Variants in ADAMTSL2 observed in about 807,000 individuals in gnomAD.
ADAMTSL2 encodes ADAMTS like 2, also known as ADAMTS-like protein 2.
In ADAMTSL2, 55 loss-of-function variants were observed where a neutral mutation model predicts 117.0. The ratio of observed to expected loss-of-function variants is 0.47; its 90% confidence interval spans 0.38 to 0.59. The LOEUF is 0.59. Ranked by LOEUF, ADAMTSL2 falls within the 20% of genes least tolerant of loss-of-function variation. The pLI is 0.00. For synonymous variants in ADAMTSL2, 572 were observed against 566.4 expected (o/e 1.01, Z -0.14); for missense variants, 1,182 against 1,354.5 (o/e 0.87, Z 2.00).
At chr9:133,537,313 G>A (rs1239031542) in intron 2 of ADAMTSL2, 92 bp from the exon 3 acceptor site, 10 of 1,279,694 alleles carry the variant, frequency 7.8e-6, no homozygotes, top group South Asian at 5.9e-5. Context: ...TTCTGGTCCC[G>A]CTGACGGTGA....
At chr9:133,556,259 A>T (rs1830603058) in intron 11 of ADAMTSL2, among the ~76,000 whole-genome samples, 2 of 152,250 alleles carry the variant, frequency 1.3e-5, no homozygotes, top group South Asian at 4.1e-4. Context: ...AGCCAGGGAC[A>T]GAGCTCAGCA....
Position 133,536,322 on chromosome 9 carries a change from C to G in ADAMTSL2, c.-150-241C>G, listed in dbSNP as rs79091755. 0.019 allele frequency among the ~76,000 whole-genome samples: 2,943 copies of G among 152,338 alleles called. 91 individuals carry two copies. The highest frequency in any genetic ancestry group is 0.066 in the African/African-American group (2,735 of 41,564). ...CCCTTCGAACCAGAGCCTTTCCCCC[C>G]GCCTGGGTCCCCAGCCCCCTCAGCC... is the stretch of plus-strand genomic sequence containing the variant. On this transcript the variant is annotated intron_variant, in intron 1 of 18. Transcript: ENST00000651351.
At chr9:133,559,658 C>T (rs1251536900) in intron 11 of ADAMTSL2, among the ~76,000 whole-genome samples, 1 of 152,010 alleles carries the variant, frequency 6.6e-6, no homozygotes, top group Non-Finnish European at 1.5e-5. Flanking sequence ...GGCCCCCACC[C>T]CCATTTTTAA....
chr9:133,554,465 G>A lies in ADAMTSL2; in HGVS notation c.1048G>A (p.Ala350Thr), dbSNP rs974026101. 74 of 1,555,534 alleles carry A rather than the reference G, an allele frequency of 4.8e-5. No individual in the cohort carries two copies. Among genetic ancestry groups the A allele is most frequent in the Middle Eastern group, 3.3e-4 (2 of 6,008 alleles). The change falls in exon 10 of 19, where the codon GCT becomes ACT. Residue 350 changes from alanine (A) to threonine (T), a missense_variant. Coordinates refer to ENST00000651351, the MANE Select transcript of ADAMTSL2 (RefSeq NM_014694.4). This position sits in a 1 kb window ranked among gnomAD's most constrained non-coding sequence, Gnocchi z 5.2. Reference sequence around the variant, plus strand: ...CATCTACTATGGCTTCTCCGAGAGCGCTGAGAGCCAGGGCCTGGACGGGGC... The same window carrying A: ...CATCTACTATGGCTTCTCCGAGAGCACTGAGAGCCAGGGCCTGGACGGGGC... Reference protein sequence around the residue: ...QPIYYGFSESAESQGLDGAGL... With the variant: ...QPIYYGFSESTESQGLDGAGL...
chr9:133,544,172 ACT>A (rs1830293050), intron 7 of ADAMTSL2, among the ~76,000 whole-genome samples: 1 of 151,938 alleles, frequency 6.6e-6, no homozygotes, highest in South Asian at 2.1e-4. Context: ...GCCGGACTGA[ACT>A]CCCAGTGTGC....
intron 3 of ADAMTSL2, among the ~76,000 whole-genome samples, chr9:133,537,884 C>T (rs576260497): frequency 6.6e-6 from 1 of 152,302 alleles, no homozygotes; most frequent in South Asian, 2.1e-4. Context: ...GCCAGGGAGC[C>T]CCGGGAGAAG....
In ADAMTSL2 at chr9:133,557,540, A is replaced by G. The variant is rs1404145843; in HGVS notation, c.1649+1610A>G. ...GCTTTGGGTATAGTGTCTGAGTCTG[A>G]GAGGGGGTCCTGGGTAAAGGGCAGG... On this transcript the variant is annotated intron_variant, in intron 11 of 18. Coordinates refer to ENST00000651351, the MANE Select transcript of ADAMTSL2 (RefSeq NM_014694.4). The surrounding 1 kb of genome is among the most constrained non-coding windows in gnomAD (Gnocchi z 5.2). Among the ~76,000 whole-genome samples the G allele has an allele frequency of 6.6e-6, 1 of 152,012 alleles. No homozygotes were observed. Among genetic ancestry groups the G allele is most frequent in the Non-Finnish European group, 1.5e-5 (1 of 68,002 alleles).
At chr9:133,546,125 C>T (rs551556224) in intron 8 of ADAMTSL2, among the ~76,000 whole-genome samples, 27 of 152,214 alleles carry the variant, frequency 1.8e-4, no homozygotes, top group African/African-American at 4.8e-4. Context: ...CTCCTCCCTG[C>T]GTCCCCAGCC....
intron 15 of ADAMTSL2, 105 bp from the exon 16 acceptor site, chr9:133,569,303 G>GAATAGAAAATGTTATTTAAAAAGTGGTT: frequency 8.2e-7 from 1 of 1,218,636 alleles, no homozygotes; most frequent in Non-Finnish European, 1.2e-6. Flanking sequence ...CAACCGCTTC[G>GAATAGAAAATGTTATTTAAAAAGTGGTT]ACACTGCCTG....
At chr9:133,548,110 G>C (rs568879851) in intron 9 of ADAMTSL2, among the ~76,000 whole-genome samples, 17 of 152,394 alleles carry the variant, frequency 1.1e-4, no homozygotes, top group Non-Finnish European at 1.8e-4. Flanking sequence ...TTGGTTTCCA[G>C]ATCTCCCTGT....
intron 17 of ADAMTSL2, among the ~76,000 whole-genome samples, chr9:133,572,703 T>G (rs1301825835): frequency 6.6e-6 from 1 of 152,088 alleles, no homozygotes; most frequent in African/African-American, 2.4e-5. Context: ...CTAGCCCTGA[T>G]GAGGAGGTGG....
At position 133,564,507 on chromosome 9, in the gene ADAMTSL2, AGAGAGG is replaced by A. The variant is rs377325747; in HGVS notation, c.1748-2417_1748-2412del. Among the ~76,000 whole-genome samples the A allele has an allele frequency of 4.0e-4, 21 of 52,780 alleles. 5 individuals carry two copies. Among genetic ancestry groups the A allele is most frequent in the Admixed American group, 1.1e-3 (5 of 4,624 alleles). The allele number at this position is 52,780 out of a possible 152,430, so 34.6% of individuals were successfully genotyped here. ...GAGAGAGGGAGACAGAGAGGGAGAG[AGAGAGG>A]GAGAGGGAGAGAGAGAGAGACAGAG... On this transcript the variant is annotated intron_variant, in intron 12 of 18. Transcript: ENST00000651351.
chr9:133,555,047 G>A (rs1830573990), intron 10 of ADAMTSL2, among the ~76,000 whole-genome samples: 1 of 152,022 alleles, frequency 6.6e-6, no homozygotes, highest in Admixed American at 6.5e-5. Flanking sequence ...ACGAGCACCT[G>A]GTCTCACCTC....
intron 9 of ADAMTSL2, among the ~76,000 whole-genome samples, chr9:133,553,237 C>T (rs1830527469): frequency 1.3e-5 from 2 of 152,156 alleles, no homozygotes; most frequent in East Asian, 3.9e-4. Flanking sequence ...TGACGCAGAT[C>T]CCCACACCCC....
rs915675602 is a variant in ADAMTSL2 at position 133,557,497 on chromosome 9, C to T, written c.1649+1567C>T. ...CTGTGGCTGGTTCTCAGGACTCGGGCGGGGAGGGCCGGGCCTTGCTTTGGG... is the reference window on the plus strand; with the variant it reads ...CTGTGGCTGGTTCTCAGGACTCGGGTGGGGAGGGCCGGGCCTTGCTTTGGG... On this transcript the variant is annotated intron_variant, in intron 11 of 18. Transcript: ENST00000651351. The surrounding 1 kb of genome is among the most constrained non-coding windows in gnomAD (Gnocchi z 5.2). 5.9e-5 allele frequency among the ~76,000 whole-genome samples: 9 copies of T among 151,874 alleles called. No individual in the cohort carries two copies. Among genetic ancestry groups the T allele is most frequent in the Admixed American group, 1.3e-4 (2 of 15,282 alleles).
At chr9:133,570,956 T>A (rs1452119978) in intron 17 of ADAMTSL2, among the ~76,000 whole-genome samples, 1 of 152,094 alleles carries the variant, frequency 6.6e-6, no homozygotes, top group Non-Finnish European at 1.5e-5. Flanking sequence ...TGCACCCCCA[T>A]GTCAGGACAC....
At chr9:133,533,282 C>G (rs1829979824), upstream of ADAMTSL2, among the ~76,000 whole-genome samples, 1 of 152,140 alleles carries the variant, frequency 6.6e-6, no homozygotes, top group South Asian at 2.1e-4. Flanking sequence ...TAGGGTTAGT[C>G]CTGGTTCCAC....
In ADAMTSL2 at chr9:133,539,764, T is replaced by C; in HGVS notation, c.310-7T>C. 10 of 1,373,924 alleles carry C rather than the reference T, an allele frequency of 7.3e-6. No homozygotes were observed. The highest frequency in any genetic ancestry group is 9.5e-6 in the Non-Finnish European group (10 of 1,056,890). The allele number at this position is 1,373,924 out of a possible 1,614,324, so 85.1% of individuals were successfully genotyped here. ...TCCCGGAGCCTCCCTGTCCCTTCGC[T>C]TCCCAGGAGTGTCCGCCGGACGGGA... On this transcript the variant is annotated splice_polypyrimidine_tract_variant and splice_region_variant and intron_variant, in intron 4 of 18. Transcript: ENST00000651351.
chr9:133,550,743 G>T (rs1588289851), intron 9 of ADAMTSL2, among the ~76,000 whole-genome samples: 1 of 152,234 alleles, frequency 6.6e-6, no homozygotes, highest in Non-Finnish European at 1.5e-5. Flanking sequence ...GAAGCCGTGT[G>T]CTGGGGCCAC....
Sources: gnomAD v4.1 joint callset for allele counts (sites outside exome capture counted in the v4.1 genomes callset) on GRCh38, gnomAD v4.1.1 for gene constraint, Gnocchi (gnomAD v3.1) non-coding constraint, MANE v1.5 for transcripts, NCBI Gene and HGNC (gene_info 2026-07-23, HGNC 2026-07-21) for gene names.